DEPDC4: variants seen among roughly 807,000 people sequenced by gnomAD.
DEPDC4 encodes the protein DEP domain-containing protein 4.
A neutral mutation model predicts 52.0 loss-of-function variants in DEPDC4; 52 were observed. That is an observed-to-expected ratio of 1.00 (90% CI 0.80 to 1.26). The LOEUF (loss-of-function observed/expected upper bound fraction) is 1.26, where lower values mean the gene tolerates loss of function less well. Among genes scored for constraint, DEPDC4 ranks in the 50% most tolerant of loss-of-function variants. The pLI, the probability that DEPDC4 is intolerant of heterozygous loss-of-function variation, is 0.00. For synonymous variants in DEPDC4, 201 were observed against 196.8 expected (o/e 1.02, Z -0.18); for missense variants, 530 against 546.9 (o/e 0.97, Z 0.31).
At chr12:100,249,898 G>A (rs2096200684) in intron 7 of DEPDC4, among the ~76,000 whole-genome samples, 1 of 152,152 alleles carries the variant, frequency 6.6e-6, no homozygotes, top group African/African-American at 2.4e-5. Flanking sequence ...AAAAAAATAG[G>A]CAAATACATA....
the DEPDC4 span, among the ~76,000 whole-genome samples, chr12:100,281,690 C>T: frequency 2.0e-5 from 3 of 152,040 alleles, no homozygotes; most frequent in South Asian, 2.1e-4. Context: ...AAAAATTAGC[C>T]GGGCGTGGTA....
chr12:100,244,177 G>GGTTT (rs1186786881), intron 8 of DEPDC4, among the ~76,000 whole-genome samples: 3 of 130,726 alleles, frequency 2.3e-5, no homozygotes, highest in Non-Finnish European at 3.2e-5. Context: ...ATGGTTTTTT[G>GGTTT]GTTTGTTTGT....
intron 2 of DEPDC4, among the ~76,000 whole-genome samples, chr12:100,263,255 T>A (rs897131028): frequency 2.0e-5 from 3 of 152,226 alleles, no homozygotes; most frequent in Non-Finnish European, 4.4e-5. Flanking sequence ...AGTCACCCTT[T>A]TAAAGTGTAT....
chr12:100,257,965 T>C lies in DEPDC4; in HGVS notation c.701-1739A>G, dbSNP rs12320876. Among the ~76,000 whole-genome samples, 422 of 142,082 alleles carry C rather than the reference T, an allele frequency of 3.0e-3. 2 individuals are homozygous for C. The highest frequency in any genetic ancestry group is 0.011 in the African/African-American group (406 of 37,872). The allele number at this position is 142,082 out of a possible 152,430, so 93.2% of individuals were successfully genotyped here. On this transcript the variant is annotated intron_variant, in intron 3 of 9. Coordinates refer to ENST00000550587, the MANE Select transcript of DEPDC4 (RefSeq NM_001364818.2). ...AAACGGGAGATTTCATGTGAAATTC[T>C]AAAATGTATTGATAGATAGATAGAT...
At chr12:100,273,656 A>G in the DEPDC4 span, among the ~76,000 whole-genome samples, 2 of 152,332 alleles carry the variant, frequency 1.3e-5, no homozygotes, top group South Asian at 2.1e-4. Flanking sequence ...ATGTAACTGT[A>G]GTTTGCAGAC....
intron 2 of DEPDC4, among the ~76,000 whole-genome samples, chr12:100,262,997 G>A (rs375056402): frequency 1.2e-4 from 18 of 152,030 alleles, no homozygotes; most frequent in East Asian, 1.2e-3. Context: ...TTGCTGTGTC[G>A]CCCTGGCTGG....
chr12:100,252,363 A>AATAGCAAAAAAC (rs1340165028), intron 6 of DEPDC4, 31 bp downstream of exon 6: 1 of 1,524,918 alleles, frequency 6.6e-7, no homozygotes. Flanking sequence ...TAGCAAAAAA[A>AATAGCAAAAAAC]AATGGCAAAA....
intron 7 of DEPDC4, among the ~76,000 whole-genome samples, chr12:100,250,126 C>T (rs535473666): frequency 6.6e-6 from 1 of 152,284 alleles, no homozygotes; most frequent in East Asian, 1.9e-4. Context: ...CAGGGCCCTT[C>T]TCCCTGCTTC....
At chr12:100,276,603 G>A in the DEPDC4 span, among the ~76,000 whole-genome samples, 4 of 152,172 alleles carry the variant, frequency 2.6e-5, no homozygotes, top group African/African-American at 9.7e-5. Flanking sequence ...GTCCCAGAGT[G>A]TTGGGATTAC....
chr12:100,270,558 T>C (rs1330475877), upstream of DEPDC4, among the ~76,000 whole-genome samples: 1 of 152,156 alleles, frequency 6.6e-6, no homozygotes, highest in Non-Finnish European at 1.5e-5. Flanking sequence ...CCTCAGATCT[T>C]ACTTATTGTT....
the DEPDC4 span, among the ~76,000 whole-genome samples, chr12:100,278,573 AAG>A: frequency 1.3e-5 from 2 of 151,984 alleles, no homozygotes; most frequent in Admixed American, 1.3e-4. Context: ...TAGCAGTTTA[AAG>A]ACCTCATTCA....
At chr12:100,278,563 T>C in the DEPDC4 span, among the ~76,000 whole-genome samples, 1 of 152,150 alleles carries the variant, frequency 6.6e-6, no homozygotes, top group African/African-American at 2.4e-5. Context: ...CAGTTTCGTT[T>C]AGCAGTTTAA....
chr12:100,269,483 CCTGATGTGTAAGTG>C (rs530945576), upstream of DEPDC4, among the ~76,000 whole-genome samples: 848 of 152,174 alleles, frequency 5.6e-3, 8 homozygotes, highest in African/African-American at 0.019. Flanking sequence ...TTCCTCATCT[CCTGATGTGTAAGTG>C]CTGAATGTTT....
chr12:100,242,129 T>G (rs1036251185), intron 9 of DEPDC4, among the ~76,000 whole-genome samples: 8 of 152,168 alleles, frequency 5.3e-5, no homozygotes, highest in Non-Finnish European at 8.8e-5. Flanking sequence ...GGCCAATAAG[T>G]TAAAGGCATG....
rs1268087874 is a variant in DEPDC4 at position 100,263,633 on chromosome 12, T to C, written c.418A>G (p.Lys140Glu). 3 of 1,614,044 alleles carry C rather than the reference T, an allele frequency of 1.9e-6. No homozygotes were observed. Among genetic ancestry groups the C allele is most frequent in the South Asian group, 2.2e-5 (2 of 91,084 alleles). The part of the protein sequence containing the change: ...HKVFEPVGMK[K>E]LFKKEKELEF... ...AATTCCTTTTCTTTTTTGAAAAGCTTCTTCATTCCTACTGGTTCAAATACT... is the reference window on the plus strand; with the variant it reads ...AATTCCTTTTCTTTTTTGAAAAGCTCCTTCATTCCTACTGGTTCAAATACT... Residue 140 changes from lysine (K) to glutamate (E), a missense_variant, in exon 2 of 10, where the codon AAG (lysine) becomes GAG (glutamate). Transcript: ENST00000550587.
Position 100,262,268 on chromosome 12 carries a change from T to C in DEPDC4, c.696A>G (p.Lys232=). The part of the protein sequence containing the change: ...TVQKPFLRLS[K]EDVWKEQTLL... ...AAAATAATGAAAACAAATTACCTTC[T>C]TTTGAAAGCCGGAGAAAAGGTTTCT... The change falls in exon 3 of 10, where the codon AAA becomes AAG. Residue 232 remains lysine, a synonymous_variant. Coordinates refer to ENST00000550587, the MANE Select transcript of DEPDC4 (RefSeq NM_001364818.2). The C allele has an allele frequency of 6.2e-7, 1 of 1,600,784 alleles. No individual in the cohort carries two copies. The highest frequency in any genetic ancestry group is 8.5e-7 in the Non-Finnish European group (1 of 1,176,922).
intron 2 of DEPDC4, among the ~76,000 whole-genome samples, chr12:100,263,124 G>C (rs551315323): frequency 1.1e-4 from 17 of 152,064 alleles, no homozygotes; most frequent in Non-Finnish European, 2.4e-4. Context: ...ACCACATCCC[G>C]CTAATTTTTG....
At chr12:100,277,523 C>T in the DEPDC4 span, among the ~76,000 whole-genome samples, 1 of 152,162 alleles carries the variant, frequency 6.6e-6, no homozygotes, top group African/African-American at 2.4e-5. Context: ...TCTTTGTCTT[C>T]AAGCTTATTC....
chr12:100,270,997 T>C (rs952168258), upstream of DEPDC4, among the ~76,000 whole-genome samples: 1 of 152,118 alleles, frequency 6.6e-6, no homozygotes, highest in Non-Finnish European at 1.5e-5. Flanking sequence ...TAATCTGTTC[T>C]GGCTTAACTA....
Sources: gnomAD v4.1 joint callset for allele counts (sites outside exome capture counted in the v4.1 genomes callset) on GRCh38, gnomAD v4.1.1 for gene constraint, MANE v1.5 for transcripts, NCBI Gene and HGNC (gene_info 2026-07-23, HGNC 2026-07-21) for gene names.